INTS7: variants seen among roughly 807,000 people sequenced by gnomAD.
INTS7 encodes the protein integrator complex subunit 7.
Under a neutral mutation model 109.2 loss-of-function variants are expected in INTS7, and 46 were observed. The ratio of observed to expected loss-of-function variants is 0.42; its 90% CI spans 0.33 to 0.54. The LOEUF (loss-of-function observed/expected upper bound fraction) is 0.54, where lower values mean the gene tolerates loss of function less well. Among genes scored for constraint, INTS7 ranks in the 20% least tolerant of loss-of-function variants. The pLI, the probability that INTS7 is intolerant of heterozygous loss-of-function variation, is 0.07. For synonymous variants in INTS7, 412 were observed against 402.9 expected, an observed-to-expected ratio of 1.02 and a Z score of -0.27; for missense variants, 929 against 1,132.4, an observed-to-expected ratio of 0.82 and a Z score of 2.58.
Position 212,007,345 on chromosome 1 carries a change from GCT to G in INTS7, c.659_660del (p.Gln220ProfsTer28). On this transcript the variant is annotated frameshift_variant, in exon 6 of 20. Transcript: ENST00000366994. LOFTEE classifies it high-confidence loss of function. ...TTGGTGGACGGATAGGATGTGACCA[GCT>G]GTTGTAAAAGCTGACGAGCACTGGA... Reference protein sequence around the residue: ...LASSARQLLQQLVTSYPSTKM... With the variant: ...LASSARQLLQXLVTSYPSTKM... 1 of 1,613,840 alleles carries G rather than the reference GCT, an allele frequency of 6.2e-7. No individual in the cohort carries two copies. The highest frequency in any genetic ancestry group is 8.5e-7 in the Non-Finnish European group (1 of 1,179,778).
Position 211,941,899 on chromosome 1 carries a change from T to C in INTS7, c.2814A>G (p.Gln938=). The C allele has an allele frequency of 6.2e-7, 1 of 1,614,186 alleles. No homozygotes were observed. The highest frequency in any genetic ancestry group is 1.1e-5 in the South Asian group (1 of 91,082). The change falls in exon 20 of 20, where the codon CAA becomes CAG. Residue 938 remains glutamine (Q), a synonymous_variant. Transcript: ENST00000366994. ...GGGCTTGCTGCTGTTGTAAGCGAAT[T>C]TGCTGGGAATAAGGGTCTTCCAGGG... The part of the protein sequence containing the change: ...VKSLEDPYSQ[Q]IRLQQQQAQQ...
chr1:211,989,040 A>C (rs1477935678), intron 7 of INTS7, among the ~76,000 whole-genome samples: 1 of 152,248 alleles, frequency 6.6e-6, no homozygotes, highest in African/African-American at 2.4e-5. Flanking sequence ...TTGTTAAATT[A>C]ATTTCCATTC....
chr1:212,017,849 ATAAG>A (rs1558056381), intron 3 of INTS7, among the ~76,000 whole-genome samples: 3 of 152,348 alleles, frequency 2.0e-5, no homozygotes, highest in Admixed American at 1.3e-4. Context: ...ACTGTTAAAA[ATAAG>A]TAATACTGTT....
At chr1:212,028,449 T>C (rs1010837547) in intron 1 of INTS7, among the ~76,000 whole-genome samples, 14 of 152,204 alleles carry the variant, frequency 9.2e-5, no homozygotes, top group African/African-American at 3.4e-4. Context: ...AAGGTCAGTG[T>C]AGATTCGGCT....
At chr1:211,997,136 A>G (rs984039456) in intron 7 of INTS7, among the ~76,000 whole-genome samples, 3 of 152,134 alleles carry the variant, frequency 2.0e-5, no homozygotes, top group South Asian at 2.1e-4. Context: ...CTCACAAATC[A>G]CCACCAAAGA....
At chr1:212,002,303 G>A (rs1468406475) in intron 7 of INTS7, among the ~76,000 whole-genome samples, 2 of 152,188 alleles carry the variant, frequency 1.3e-5, no homozygotes, top group Non-Finnish European at 2.9e-5. Context: ...CCTCTTAAAT[G>A]TTCTCCCGGC....
At chr1:211,993,440 G>A (rs1665229013) in intron 7 of INTS7, among the ~76,000 whole-genome samples, 1 of 152,196 alleles carries the variant, frequency 6.6e-6, no homozygotes, top group Non-Finnish European at 1.5e-5. Context: ...AGCACTTTGG[G>A]AGGCCAAGGC....
intron 9 of INTS7, 138 bp downstream of exon 9, chr1:211,982,538 T>C (rs1664708515): frequency 3.3e-6 from 2 of 613,366 alleles, no homozygotes; most frequent in Non-Finnish European, 5.6e-6. Context: ...ACACATGCTC[T>C]AAGAACACTT....
At chr1:211,998,270 G>A (rs1023261239) in intron 7 of INTS7, among the ~76,000 whole-genome samples, 5 of 152,240 alleles carry the variant, frequency 3.3e-5, no homozygotes, top group South Asian at 2.1e-4. Flanking sequence ...CCCACCCAGC[G>A]TAACAATTTC....
chr1:211,966,082 C>T (rs1558029690), intron 16 of INTS7: 1 of 162,088 alleles, frequency 6.2e-6, no homozygotes, highest in East Asian at 1.8e-4. Flanking sequence ...AAGAGCAAAA[C>T]CAGGGATATT....
At chr1:211,997,045 A>T (rs556291246) in intron 7 of INTS7, among the ~76,000 whole-genome samples, 1 of 152,030 alleles carries the variant, frequency 6.6e-6, no homozygotes, top group East Asian at 1.9e-4. Context: ...AAATAAAAAT[A>T]AAAACCACTG....
chr1:212,028,866 C>T (rs573111400), intron 1 of INTS7, among the ~76,000 whole-genome samples: 1 of 152,246 alleles, frequency 6.6e-6, no homozygotes, highest in South Asian at 2.1e-4. Context: ...ACAAGCTAAG[C>T]AATTTGCGTA....
chr1:212,000,163 T>C (rs747714928), intron 7 of INTS7, among the ~76,000 whole-genome samples: 40 of 151,952 alleles, frequency 2.6e-4, no homozygotes, highest in Admixed American at 4.6e-4. Context: ...AACACAAATG[T>C]ACAAGATAAA....
chr1:212,035,405 T>A lies in INTS7; in HGVS notation c.33A>T (p.Ala11=), dbSNP rs757828448. The A allele has an allele frequency of 1.1e-5, 17 of 1,613,936 alleles. No homozygotes were observed. The South Asian group carries it at 1.9e-4, about 18-fold the overall frequency. MASNSTKSFL[A]DAGYGEQELD... ...GTTCCTGTTCGCCATAGCCGGCATCTGCCAGGAAAGACTTAGTTGAGTTTG... is the reference window on the plus strand; with the variant it reads ...GTTCCTGTTCGCCATAGCCGGCATCAGCCAGGAAAGACTTAGTTGAGTTTG... Residue 11 remains alanine, a synonymous_variant, in exon 1 of 20, where the codon GCA becomes GCT. Coordinates refer to ENST00000366994, the MANE Select transcript of INTS7 (RefSeq NM_015434.4).
intron 16 of INTS7, among the ~76,000 whole-genome samples, chr1:211,964,295 A>G (rs1037746173): frequency 1.3e-5 from 2 of 151,706 alleles, no homozygotes; most frequent in African/African-American, 4.8e-5. Flanking sequence ...AGATGAAAGC[A>G]AAACACTGCT....
chr1:211,997,343 G>C (rs1665446610), intron 7 of INTS7, among the ~76,000 whole-genome samples: 1 of 151,740 alleles, frequency 6.6e-6, no homozygotes, highest in East Asian at 1.9e-4. Context: ...CCCGGAGCTT[G>C]AGACCAGCCT....
At chr1:212,013,890 A>G (rs1367649948) in intron 4 of INTS7, among the ~76,000 whole-genome samples, 3 of 152,172 alleles carry the variant, frequency 2.0e-5, no homozygotes, top group African/African-American at 7.2e-5. Flanking sequence ...TGTTTGCACA[A>G]TGATGAAATT....
chr1:212,006,999 T>C (rs900927933), intron 6 of INTS7, among the ~76,000 whole-genome samples: 3 of 152,096 alleles, frequency 2.0e-5, no homozygotes, highest in Non-Finnish European at 2.9e-5. Context: ...TCCTTTCTTT[T>C]TTTTTTTTTA....
intron 3 of INTS7, among the ~76,000 whole-genome samples, chr1:212,018,301 C>T (rs1571911257): frequency 2.6e-5 from 4 of 151,928 alleles, no homozygotes; most frequent in Admixed American, 2.6e-4. Context: ...CTAGAGATCG[C>T]TGGCTTTATT....
Sources: allele counts gnomAD v4.1 joint callset (sites outside exome capture counted in the v4.1 genomes callset), GRCh38; gene constraint gnomAD v4.1.1; transcripts MANE v1.5; gene names NCBI Gene and HGNC (gene_info 2026-07-23, HGNC 2026-07-21).